The following SUMF1 variants were observed in gnomAD, a reference collection of about 807,000 sequenced individuals.
SUMF1 encodes sulfatase modifying factor 1, also known as formylglycine-generating enzyme.
In SUMF1, 48 loss-of-function variants were observed where a neutral mutation model predicts 47.6. The ratio of observed to expected loss-of-function variants is 1.01; its 90% CI spans 0.80 to 1.28. The LOEUF is 1.28. SUMF1 is among the 50% of genes most tolerant of loss of function. The probability of loss-of-function intolerance (pLI) is 0.00; values close to 1 mark genes in which losing one functional copy is unlikely to be tolerated. For missense variants in SUMF1, 571 were observed against 485.4 expected (o/e 1.18, Z -1.66); for synonymous variants, 230 against 192.1 (o/e 1.20, Z -1.63).
intron 1 of SUMF1, among the ~76,000 whole-genome samples, chr3:4,458,110 C>A (rs2079712738): frequency 6.6e-6 from 1 of 152,088 alleles, no homozygotes; most frequent in Non-Finnish European, 1.5e-5. Flanking sequence ...ATACAAATGG[C>A]CAACAGATAT....
intron 8 of SUMF1, among the ~76,000 whole-genome samples, chr3:4,273,089 T>C (rs1345523381): frequency 2.0e-5 from 3 of 149,090 alleles, no homozygotes; most frequent in South Asian, 4.2e-4. Flanking sequence ...TAAATATATA[T>C]ACACACATAT....
intron 8 of SUMF1, among the ~76,000 whole-genome samples, chr3:4,132,313 T>C (rs1171155332): frequency 1.3e-5 from 2 of 152,102 alleles, no homozygotes; most frequent in Admixed American, 6.5e-5. Context: ...GCTCATGGAA[T>C]TCACTGGTCC....
intron 8 of SUMF1, among the ~76,000 whole-genome samples, chr3:4,363,892 C>A (rs1259277800): frequency 6.9e-6 from 1 of 144,252 alleles, no homozygotes; most frequent in African/African-American, 2.7e-5. Flanking sequence ...TTTTGAGATA[C>A]ATCCCATCAA....
chr3:4,051,211 A>C (rs1261525852), intron 9 of SUMF1, among the ~76,000 whole-genome samples: 1 of 152,074 alleles, frequency 6.6e-6, no homozygotes, highest in Non-Finnish European at 1.5e-5. Flanking sequence ...TCCCAGGCAG[A>C]ACCAACCACC....
At chr3:4,342,843 G>A (rs1699299077) in intron 8 of SUMF1, among the ~76,000 whole-genome samples, 1 of 152,204 alleles carries the variant, frequency 6.6e-6, no homozygotes, top group African/African-American at 2.4e-5. Context: ...CTCAGGAGCA[G>A]CTGTCCTAAA....
At chr3:4,101,016 A>G (rs1345103599) in intron 8 of SUMF1, among the ~76,000 whole-genome samples, 1 of 152,108 alleles carries the variant, frequency 6.6e-6, no homozygotes, top group East Asian at 1.9e-4. Context: ...AGTATTGCCA[A>G]GGATGTGAAG....
At chr3:4,089,199 A>G (rs1300937677) in intron 8 of SUMF1, among the ~76,000 whole-genome samples, 2 of 152,128 alleles carry the variant, frequency 1.3e-5, no homozygotes, top group Non-Finnish European at 2.9e-5. Flanking sequence ...TAGACTGGAC[A>G]TGGTGTTTGC....
intron 8 of SUMF1, among the ~76,000 whole-genome samples, chr3:4,114,434 C>T (rs1231821819): frequency 6.6e-6 from 1 of 152,122 alleles, no homozygotes; most frequent in Non-Finnish European, 1.5e-5. Context: ...AAAAATACAG[C>T]TTCATCAAAG....
chr3:4,178,391 A>G (rs13078141), intron 8 of SUMF1, among the ~76,000 whole-genome samples: 64,433 of 152,090 alleles, frequency 0.42, 15,059 homozygotes, highest in Non-Finnish European at 0.54. Context: ...TTCAACATAC[A>G]CAAATGAATA....
At chr3:4,254,112 T>C (rs1382013933) in intron 8 of SUMF1, among the ~76,000 whole-genome samples, 3 of 151,728 alleles carry the variant, frequency 2.0e-5, no homozygotes, top group South Asian at 2.1e-4. Context: ...AACCCATCTG[T>C]ACATCACCAT....
intron 8 of SUMF1, among the ~76,000 whole-genome samples, chr3:4,300,110 G>T (rs1281712822): frequency 6.6e-6 from 1 of 152,136 alleles, no homozygotes. Context: ...TTAAACCCAT[G>T]GGTGCTAAAG....
At chr3:4,166,223 C>T (rs1044340692) in intron 8 of SUMF1, among the ~76,000 whole-genome samples, 2 of 152,252 alleles carry the variant, frequency 1.3e-5, no homozygotes, top group Middle Eastern at 3.4e-3. Flanking sequence ...CCTGTTAGTA[C>T]TGGGACCTTA....
At chr3:4,456,517 T>C (rs747176817) in intron 1 of SUMF1, among the ~76,000 whole-genome samples, 1 of 147,848 alleles carries the variant, frequency 6.8e-6, no homozygotes, top group Non-Finnish European at 1.5e-5. Context: ...AGTAGCACGA[T>C]CTCGGCTCAC....
intron 8 of SUMF1, among the ~76,000 whole-genome samples, chr3:4,097,947 T>A (rs1486612335): frequency 6.6e-6 from 1 of 152,128 alleles, no homozygotes; most frequent in Non-Finnish European, 1.5e-5. Flanking sequence ...CCTGCTGGTC[T>A]TGCTTAATCT....
At chr3:4,235,721 A>G (rs908502952) in intron 8 of SUMF1, among the ~76,000 whole-genome samples, 2 of 151,954 alleles carry the variant, frequency 1.3e-5, no homozygotes, top group Admixed American at 1.3e-4. Flanking sequence ...ATGGCAGTGG[A>G]AGGTTGGGAC....
At chr3:4,043,855 T>TA (rs1340082104) in intron 9 of SUMF1, among the ~76,000 whole-genome samples, 2 of 152,140 alleles carry the variant, frequency 1.3e-5, no homozygotes, top group East Asian at 3.9e-4. Flanking sequence ...CTAAAAGAGT[T>TA]AAAAAATTGA....
At chr3:4,075,182 T>C (rs1692392802) in intron 8 of SUMF1, among the ~76,000 whole-genome samples, 1 of 152,060 alleles carries the variant, frequency 6.6e-6, no homozygotes, top group Admixed American at 6.6e-5. Flanking sequence ...GCAAGGCTGG[T>C]TCAACATACA....
At chr3:4,190,301 C>T (rs1323303863) in intron 8 of SUMF1, among the ~76,000 whole-genome samples, 1 of 151,816 alleles carries the variant, frequency 6.6e-6, no homozygotes, top group Admixed American at 6.6e-5. Context: ...ACGAGGGAAG[C>T]ACAGGGGAAG....
chr3:4,250,350 G>A (rs944104705), intron 8 of SUMF1, among the ~76,000 whole-genome samples: 2 of 151,832 alleles, frequency 1.3e-5, no homozygotes, highest in Non-Finnish European at 2.9e-5. Context: ...GGAAGGGAAA[G>A]AAAGGAAAGA....
Sources: gnomAD v4.1 joint callset for allele counts (sites outside exome capture counted in the v4.1 genomes callset) on GRCh38, gnomAD v4.1.1 for gene constraint, MANE v1.5 for transcripts, NCBI Gene and HGNC (gene_info 2026-07-23, HGNC 2026-07-21) for gene names.